TAF1B: variants seen among roughly 807,000 people sequenced by gnomAD.
TAF1B encodes the protein TATA box-binding protein-associated factor RNA polymerase I subunit B.
TAF1B carries 61 observed loss-of-function variants against 83.9 expected under a neutral mutation model. That is an observed-to-expected ratio of 0.73 (90% confidence interval 0.59 to 0.90). TAF1B has a LOEUF of 0.90. TAF1B is among the 40% of genes least tolerant of loss of function. The pLI is 0.00. For missense variants in TAF1B, 625 were observed against 677.0 expected (o/e 0.92, Z 0.85); for synonymous variants, 221 against 224.6 (o/e 0.98, Z 0.14).
At chr2:9,847,740 T>G (rs994653192) in intron 2 of TAF1B, among the ~76,000 whole-genome samples, 2 of 152,184 alleles carry the variant, frequency 1.3e-5, no homozygotes, top group African/African-American at 4.8e-5. Flanking sequence ...AGGCTAGACT[T>G]GTGTGAATGT....
intron 7 of TAF1B, among the ~76,000 whole-genome samples, chr2:9,878,064 C>G (rs538587638): frequency 2.9e-4 from 44 of 152,272 alleles, no homozygotes; most frequent in African/African-American, 1.1e-3. Flanking sequence ...CATAAGTTCT[C>G]AAAATGTGGC....
chr2:9,893,039 T>C (rs893865957), intron 8 of TAF1B, among the ~76,000 whole-genome samples: 1 of 152,226 alleles, frequency 6.6e-6, no homozygotes, highest in Non-Finnish European at 1.5e-5. Flanking sequence ...AATTACATCT[T>C]GGTAGCAACC....
chr2:9,910,855 G>C lies in TAF1B; in HGVS notation c.1075G>C (p.Val359Leu). 6.2e-7 allele frequency: 1 copy of C among 1,613,528 alleles called. No homozygotes were observed. Among genetic ancestry groups the C allele is most frequent in the Non-Finnish European group, 8.5e-7 (1 of 1,179,690 alleles). Residue 359 changes from valine (V) to leucine (L), a missense_variant, in exon 10 of 15, where the codon GTA becomes CTA. Coordinates refer to ENST00000263663, the MANE Select transcript of TAF1B (RefSeq NM_005680.3). ...AACTGTTAAGTACGATGTACAAGCT[G>C]TAGCTATCATTGTGGTGGTATTGAA... ...AKTVKYDVQA[V>L]AIIVVVLKLL... is the part of the protein sequence containing the mutation.
At position 9,862,136 on chromosome 2, in the gene TAF1B, A is replaced by C. The variant is rs546538992; in HGVS notation, c.400-6140A>C. 5.9e-5 allele frequency among the ~76,000 whole-genome samples: 9 copies of C among 152,304 alleles called. No homozygotes were observed. In the South Asian group the frequency reaches 1.9e-3, roughly 32 times the overall value. ...GAGAGAAGAAGGCTTCAGAAGATCA[A>C]ACTACTCCGAGCTAAAGGAGGAAGT... On this transcript the variant is annotated intron_variant, in intron 5 of 14. Coordinates refer to ENST00000263663, the MANE Select transcript of TAF1B (RefSeq NM_005680.3).
At chr2:9,933,436 GA>G (rs1221315471) in intron 14 of TAF1B, among the ~76,000 whole-genome samples, 1 of 152,190 alleles carries the variant, frequency 6.6e-6, no homozygotes, top group African/African-American at 2.4e-5. Flanking sequence ...GTTTGTTTTA[GA>G]AATATGTTCA....
chr2:9,919,360 T>G (rs931784752), intron 13 of TAF1B, among the ~76,000 whole-genome samples: 2 of 152,206 alleles, frequency 1.3e-5, no homozygotes, highest in Non-Finnish European at 2.9e-5. Context: ...TCGTTATGAT[T>G]TTGGAAATTC....
At chr2:9,896,779 A>G (rs1334610881) in intron 8 of TAF1B, among the ~76,000 whole-genome samples, 1 of 152,196 alleles carries the variant, frequency 6.6e-6, no homozygotes, top group African/African-American at 2.4e-5. Context: ...GGGACATGGA[A>G]TACAGAGAGT....
chr2:9,911,826 T>C (rs1445100060), intron 11 of TAF1B, among the ~76,000 whole-genome samples: 2 of 152,220 alleles, frequency 1.3e-5, no homozygotes, highest in African/African-American at 4.8e-5. Context: ...AGATCATGAA[T>C]TTACAGGCAG....
intron 8 of TAF1B, among the ~76,000 whole-genome samples, chr2:9,885,304 G>A (rs984939201): frequency 6.6e-6 from 1 of 152,080 alleles, no homozygotes; most frequent in African/African-American, 2.4e-5. Context: ...GGTTTAGCAG[G>A]GATCACATGA....
At chr2:9,867,976 C>T (rs1005504043) in intron 5 of TAF1B, among the ~76,000 whole-genome samples, 6 of 152,122 alleles carry the variant, frequency 3.9e-5, no homozygotes, top group Non-Finnish European at 8.8e-5. Context: ...GTCATTGATG[C>T]GCGATGTTTT....
At chr2:9,843,910 T>G (rs1663110730) in intron 1 of TAF1B, 13 of 152,188 alleles carry the variant, frequency 8.5e-5, no homozygotes, top group East Asian at 4.0e-4. Context: ...AATGCTGGGG[T>G]GGGTGAGGGA....
At chr2:9,880,535 A>G (rs1461368267) in intron 7 of TAF1B, among the ~76,000 whole-genome samples, 1 of 149,918 alleles carries the variant, frequency 6.7e-6, no homozygotes, top group African/African-American at 2.4e-5. Context: ...GATGCCGAAG[A>G]CCTGCTCTTT....
At chr2:9,906,627 A>G (rs980323793) in intron 9 of TAF1B, among the ~76,000 whole-genome samples, 2 of 152,238 alleles carry the variant, frequency 1.3e-5, no homozygotes, top group African/African-American at 4.8e-5. Flanking sequence ...AGTTCATAAA[A>G]GCATGGAAAA....
chr2:9,857,579 CT>C (rs1489348763), intron 5 of TAF1B, among the ~76,000 whole-genome samples: 1 of 152,136 alleles, frequency 6.6e-6, no homozygotes, highest in African/African-American at 2.4e-5. Context: ...CATTTTCACA[CT>C]GCTATAAAAA....
intron 7 of TAF1B, among the ~76,000 whole-genome samples, chr2:9,879,054 C>T (rs1447946951): frequency 6.6e-6 from 1 of 152,082 alleles, no homozygotes; most frequent in African/African-American, 2.4e-5. Flanking sequence ...CCTCACTTAC[C>T]ACAGAAGATA....
intron 10 of TAF1B, 22 bp from the exon 11 acceptor site, chr2:9,911,489 A>T: frequency 6.7e-7 from 1 of 1,491,520 alleles, no homozygotes; most frequent in African/African-American, 1.4e-5. Context: ...AAATAAATTG[A>T]TTTGTTTATT....
At chr2:9,896,300 T>C (rs1665014782) in intron 8 of TAF1B, among the ~76,000 whole-genome samples, 1 of 152,206 alleles carries the variant, frequency 6.6e-6, no homozygotes, top group Non-Finnish European at 1.5e-5. Context: ...CTTTTCTTCA[T>C]TGTGTGCTTT....
At chr2:9,854,454 A>T (rs776845375) in intron 5 of TAF1B, 33 bp downstream of exon 5, 1 of 1,521,202 alleles carries the variant, frequency 6.6e-7, no homozygotes, top group South Asian at 1.1e-5. Context: ...TGGATTAAAA[A>T]ACATGTCTGT....
At chr2:9,895,041 T>C (rs879108764) in intron 8 of TAF1B, among the ~76,000 whole-genome samples, 1 of 152,194 alleles carries the variant, frequency 6.6e-6, no homozygotes, top group East Asian at 1.9e-4. Flanking sequence ...AAATCCTCAT[T>C]GGTCAGCAGT....
Sources: allele counts gnomAD v4.1 joint callset (sites outside exome capture counted in the v4.1 genomes callset), GRCh38; gene constraint gnomAD v4.1.1; transcripts MANE v1.5; gene names NCBI Gene and HGNC (gene_info 2026-07-23, HGNC 2026-07-21).